Variants in EFCAB5 observed in about 807,000 individuals in gnomAD.
EFCAB5 encodes the protein EF-hand calcium binding domain 5.
A neutral mutation model predicts 167.9 loss-of-function variants in EFCAB5; 131 were observed. The ratio of observed to expected loss-of-function variants is 0.78; its 90% CI spans 0.68 to 0.90. The LOEUF is 0.90. Among genes scored for constraint, EFCAB5 ranks in the 40% least tolerant of loss-of-function variants. The probability of loss-of-function intolerance (pLI) is 0.00; values close to 1 mark genes in which losing one functional copy is unlikely to be tolerated. For missense variants in EFCAB5, 1,663 were observed against 1,745.2 expected, an observed-to-expected ratio of 0.95 and a Z score of 0.84; for synonymous variants, 574 against 602.8, an observed-to-expected ratio of 0.95 and a Z score of 0.70.
intron 7 of EFCAB5, among the ~76,000 whole-genome samples, chr17:30,003,101 G>T (rs900304797): frequency 8.1e-6 from 1 of 123,320 alleles, no homozygotes; most frequent in Non-Finnish European, 1.7e-5. Flanking sequence ...TTTTGTAGCG[G>T]GGGGGGGGTC....
Position 30,059,670 on chromosome 17 carries a change from G to A in EFCAB5, c.2706G>A (p.Lys902=). Residue 902 remains lysine, a synonymous_variant, in exon 14 of 23, where the codon AAG becomes AAA. Transcript: ENST00000394835. ...KEVDELLYTY[K]EGMEKESMKK... ...TTGATGAACTCTTGTACACATACAA[G>A]GAGGGAATGGAAAAAGAATCTATGA... The A allele has an allele frequency of 6.3e-7, 1 of 1,597,660 alleles. No individual in the cohort carries two copies. Among genetic ancestry groups the A allele is most frequent in the Non-Finnish European group, 8.5e-7 (1 of 1,170,218 alleles).
intron 4 of EFCAB5, among the ~76,000 whole-genome samples, chr17:29,978,350 G>A (rs181732011): frequency 1.4e-4 from 21 of 152,292 alleles, no homozygotes; most frequent in Admixed American, 1.2e-3. Flanking sequence ...CAATGGAATT[G>A]TGGTAGGACT....
At position 30,095,295 on chromosome 17, in the gene EFCAB5, G is replaced by A. The variant is rs80122488; in HGVS notation, c.4321+2359G>A. 7.3e-3 allele frequency among the ~76,000 whole-genome samples: 1,110 copies of A among 152,108 alleles called. 12 individuals carry two copies. Among genetic ancestry groups the A allele is most frequent in the African/African-American group, 0.025 (1,046 of 41,478 alleles). On this transcript the variant is annotated intron_variant, in intron 22 of 22. Transcript: ENST00000394835. ...CATTGGTCTTGGCAGGAGTGCCCCC[G>A]GCCCTCCACTTCTCCTACAGGGGTC...
chr17:29,967,810 G>A (rs2067862844), intron 3 of EFCAB5, among the ~76,000 whole-genome samples: 1 of 151,858 alleles, frequency 6.6e-6, no homozygotes, highest in African/African-American at 2.4e-5. Context: ...AAAGGAAGCT[G>A]GGAATAAAAT....
At chr17:30,098,713 T>C (rs1447709713) in intron 22 of EFCAB5, among the ~76,000 whole-genome samples, 2 of 152,188 alleles carry the variant, frequency 1.3e-5, no homozygotes, top group African/African-American at 4.8e-5. Context: ...TTAGTGGTTT[T>C]GAATATATAT....
At chr17:29,972,673 G>T in intron 4 of EFCAB5, 1 of 179,572 alleles carries the variant, frequency 5.6e-6, no homozygotes, top group South Asian at 1.3e-4. Flanking sequence ...TTAGGGATGT[G>T]ATCCAGCGCT....
intron 7 of EFCAB5, among the ~76,000 whole-genome samples, chr17:30,004,659 C>T (rs1457415069): frequency 1.4e-5 from 2 of 144,970 alleles, no homozygotes; most frequent in East Asian, 2.0e-4. Flanking sequence ...CTTGCTCTGT[C>T]GCCCAGTCTG....
intron 4 of EFCAB5, among the ~76,000 whole-genome samples, chr17:29,990,121 G>C (rs908248092): frequency 2.0e-5 from 3 of 152,024 alleles, no homozygotes; most frequent in Non-Finnish European, 4.4e-5. Context: ...TTGTCCATTG[G>C]GCCCTTCGCA....
chr17:29,971,448 A>C (rs888625702), intron 4 of EFCAB5, among the ~76,000 whole-genome samples: 6 of 152,184 alleles, frequency 3.9e-5, no homozygotes, highest in African/African-American at 1.2e-4. Context: ...TTTAGTAGAA[A>C]TGCTGCTTCT....
At chr17:30,049,058 A>T (rs950701249) in intron 8 of EFCAB5, among the ~76,000 whole-genome samples, 40 of 152,186 alleles carry the variant, frequency 2.6e-4, no homozygotes, top group Middle Eastern at 3.4e-3. Flanking sequence ...GATTGTATTG[A>T]CATCACAGAA....
At chr17:29,990,340 T>C (rs565559990) in intron 4 of EFCAB5, among the ~76,000 whole-genome samples, 1 of 152,318 alleles carries the variant, frequency 6.6e-6, no homozygotes, top group East Asian at 1.9e-4. Context: ...ATAAGCTGCT[T>C]TGCCTTGTTT....
At chr17:29,985,511 C>T (rs780211825) in intron 4 of EFCAB5, among the ~76,000 whole-genome samples, 10 of 152,126 alleles carry the variant, frequency 6.6e-5, no homozygotes, top group Admixed American at 1.3e-4. Flanking sequence ...CCTTCAGAGC[C>T]GAGAGCCTGG....
intron 3 of EFCAB5, among the ~76,000 whole-genome samples, chr17:29,944,993 T>C (rs1049522051): frequency 2.6e-5 from 4 of 152,188 alleles, no homozygotes; most frequent in African/African-American, 7.2e-5. Flanking sequence ...GCTTGACTCC[T>C]AGCCCCATCC....
chr17:30,070,563 G>C (rs2070705632), intron 14 of EFCAB5, among the ~76,000 whole-genome samples: 1 of 152,108 alleles, frequency 6.6e-6, no homozygotes, highest in Non-Finnish European at 1.5e-5. Flanking sequence ...TTTCAACAAA[G>C]GTACCAAGAA....
At chr17:29,982,205 G>T (rs1047721383) in intron 4 of EFCAB5, among the ~76,000 whole-genome samples, 1 of 152,112 alleles carries the variant, frequency 6.6e-6, no homozygotes, top group Non-Finnish European at 1.5e-5. Flanking sequence ...AGGCCGAGGC[G>T]GATGGATCAC....
intron 7 of EFCAB5, among the ~76,000 whole-genome samples, chr17:30,008,602 T>G (rs943606712): frequency 4.0e-5 from 6 of 151,224 alleles, no homozygotes; most frequent in African/African-American, 1.5e-4. Context: ...AAAAAAAAAA[T>G]TTTTTTATAT....
At chr17:29,999,600 C>G (rs2068618780) in intron 6 of EFCAB5, among the ~76,000 whole-genome samples, 1 of 152,058 alleles carries the variant, frequency 6.6e-6, no homozygotes, top group African/African-American at 2.4e-5. Context: ...CTAGCATAAA[C>G]CAACACAGAT....
At chr17:30,102,118 G>A (rs1461615408) in intron 22 of EFCAB5, among the ~76,000 whole-genome samples, 2 of 149,338 alleles carry the variant, frequency 1.3e-5, no homozygotes, top group Non-Finnish European at 2.9e-5. Context: ...GTGGGTAGGT[G>A]TGCTGGTAGA....
chr17:30,018,091 T>C (rs1226920779), intron 7 of EFCAB5, among the ~76,000 whole-genome samples: 1 of 152,142 alleles, frequency 6.6e-6, no homozygotes, highest in Admixed American at 6.5e-5. Flanking sequence ...ATACCTTGAA[T>C]GGTATACTGT....
Sources: allele counts gnomAD v4.1 joint callset (sites outside exome capture counted in the v4.1 genomes callset), GRCh38; gene constraint gnomAD v4.1.1; transcripts MANE v1.5; gene names NCBI Gene and HGNC (gene_info 2026-07-23, HGNC 2026-07-21).